The following CA4 variants were observed in gnomAD, a reference collection of about 807,000 sequenced individuals.
CA4 encodes the protein carbonic anhydrase 4.
A neutral mutation model predicts 34.5 loss-of-function variants in CA4; 24 were observed. The ratio of observed to expected loss-of-function variants is 0.70; its 90% CI spans 0.50 to 0.98. The LOEUF (loss-of-function observed/expected upper bound fraction) is 0.98, where lower values mean the gene tolerates loss of function less well. Among genes scored for constraint, CA4 ranks in the 50% least tolerant of loss-of-function variants. The probability of loss-of-function intolerance (pLI) is 0.00; values close to 1 mark genes in which losing one functional copy is unlikely to be tolerated. For synonymous variants in CA4, 178 were observed against 170.6 expected (o/e 1.04, Z -0.34); for missense variants, 394 against 396.7 (o/e 0.99, Z 0.06).
Position 60,159,538 on chromosome 17 carries a change from T to TAA in CA4, c.*114_*115insAA. On this transcript the variant is annotated 3_prime_UTR_variant, in exon 8 of 8. Coordinates refer to ENST00000300900, the MANE Select transcript of CA4 (RefSeq NM_000717.5). ...GCATGATTAAAATATGGACATATTT[T>TAA]TGGAGAAACCTTTCTCAAGTGTGTT... 1 of 1,200,492 alleles carries TAA rather than the reference T, an allele frequency of 8.3e-7. No individual in the cohort carries two copies. The allele number at this position is 1,200,492 out of a possible 1,614,324, so 74.4% of individuals were successfully genotyped here. A position where few individuals can be genotyped will look rare whatever the true frequency, so the allele number is the denominator to read the frequency against.
At chr17:60,169,292 C>T (rs1260900727) in intron 5 of CA4, among the ~76,000 whole-genome samples, 1 of 151,460 alleles carries the variant, frequency 6.6e-6, no homozygotes, top group Non-Finnish European at 1.5e-5. Flanking sequence ...GCAGCAACAG[C>T]AGATTCGCAG....
At chr17:60,162,038 C>T (rs1044930777), downstream of CA4, among the ~76,000 whole-genome samples, 1 of 152,162 alleles carries the variant, frequency 6.6e-6, no homozygotes, top group African/African-American at 2.4e-5. Context: ...GTTCGACCCT[C>T]CCCATCCCCC....
At chr17:60,160,346 G>T (rs957610731), downstream of CA4, among the ~76,000 whole-genome samples, 10 of 152,380 alleles carry the variant, frequency 6.6e-5, no homozygotes, top group South Asian at 2.1e-4. Flanking sequence ...GGATATGGCA[G>T]AGAATAAAAG....
chr17:60,170,282 C>T lies in CA4; in HGVS notation c.*179-269C>T, dbSNP rs527258402. Among the ~76,000 whole-genome samples the T allele has an allele frequency of 3.9e-5, 6 of 152,260 alleles. No homozygotes were observed. The South Asian group carries it at 8.3e-4, about 21-fold the overall frequency. The stretch of plus-strand genomic sequence containing the variant: ...GTGGATGAAGCATAGTCAGGTAGCC[C>T]GGTCTGGCAGGGGGCCAGTGGGGAG... On this transcript the variant is annotated intron_variant and NMD_transcript_variant, in intron 5 of 5. Transcript: ENST00000586876.
Position 60,150,018 on chromosome 17 carries a change from CTT to C in CA4, c.-15_-14del, listed in dbSNP as rs771627177. 34 of 1,601,170 alleles carry C rather than the reference CTT, an allele frequency of 2.1e-5. No homozygotes were observed. In the African/African-American group the frequency reaches 2.9e-4, roughly 14 times the overall value. ...TGCGCGACCCCCGGCTCAGAGGACT[CTT>C]TGCTGTCCCGCAAGATGCGGATGCT... On this transcript the variant is annotated 5_prime_UTR_variant, in exon 1 of 8. Transcript: ENST00000300900.
chr17:60,177,695 C>G, the CA4 span, among the ~76,000 whole-genome samples: 4 of 152,194 alleles, frequency 2.6e-5, no homozygotes. Flanking sequence ...GTCCTACCTA[C>G]TTGCAATTAT....
downstream of CA4, among the ~76,000 whole-genome samples, chr17:60,160,276 C>T (rs549665598): frequency 4.5e-4 from 68 of 152,208 alleles, no homozygotes; most frequent in Admixed American, 2.5e-3. Flanking sequence ...GCAAGGTGGG[C>T]GAAAGGAAGT....
chr17:60,169,250 C>CAAAAAAAAAGA (rs2083890184), intron 5 of CA4, among the ~76,000 whole-genome samples: 1 of 122,894 alleles, frequency 8.1e-6, no homozygotes, highest in African/African-American at 3.3e-5. Context: ...CCCTCTGTCT[C>CAAAAAAAAAGA]AAAAAAAAAA....
downstream of CA4, among the ~76,000 whole-genome samples, chr17:60,171,223 A>T (rs1437116531): frequency 1.3e-5 from 2 of 152,214 alleles, no homozygotes; most frequent in Admixed American, 1.3e-4. Context: ...GTTTTGGATG[A>T]TTTAGCCCTC....
At chr17:60,163,183 G>A (rs1235690189), downstream of CA4, among the ~76,000 whole-genome samples, 3 of 151,770 alleles carry the variant, frequency 2.0e-5, no homozygotes, top group Non-Finnish European at 2.9e-5. Context: ...TCTACAGGGG[G>A]CCCAGAGTCG....
downstream of CA4, among the ~76,000 whole-genome samples, chr17:60,173,176 A>C (rs1391982266): frequency 6.6e-6 from 1 of 152,216 alleles, no homozygotes; most frequent in Non-Finnish European, 1.5e-5. Context: ...AAAAAAACTA[A>C]AATAAATAAA....
chr17:60,158,236 G>C, intron 6 of CA4, 47 bp from the exon 7 acceptor site: 1 of 1,608,826 alleles, frequency 6.2e-7, no homozygotes, highest in African/African-American at 1.3e-5. Flanking sequence ...GGGAAGAGGG[G>C]CTCCTTCTCC....
At chr17:60,162,385 A>ACTC (rs2083801266), downstream of CA4, among the ~76,000 whole-genome samples, 1 of 151,960 alleles carries the variant, frequency 6.6e-6, no homozygotes, top group African/African-American at 2.4e-5. Flanking sequence ...CACCCTGGGG[A>ACTC]TGGTGGCTCT....
At chr17:60,156,421 C>G in intron 2 of CA4, 139 bp from the exon 3 acceptor site, 1 of 835,402 alleles carries the variant, frequency 1.2e-6, no homozygotes, top group South Asian at 1.3e-5. Flanking sequence ...GCTGAGCATC[C>G]CTGCAGCACA....
the CA4 span, among the ~76,000 whole-genome samples, chr17:60,177,176 G>A: frequency 6.6e-6 from 1 of 152,214 alleles, no homozygotes; most frequent in Non-Finnish European, 1.5e-5. Context: ...ATCACAGAGA[G>A]GGAGGCTGAA....
downstream of CA4, among the ~76,000 whole-genome samples, chr17:60,160,530 G>A (rs1471366056): frequency 6.6e-6 from 1 of 152,070 alleles, no homozygotes; most frequent in Non-Finnish European, 1.5e-5. Context: ...TTGGGAAGCC[G>A]AGGCGGGCAG....
chr17:60,168,696 C>T (rs2083883472), intron 5 of CA4, among the ~76,000 whole-genome samples: 1 of 151,982 alleles, frequency 6.6e-6, no homozygotes, highest in African/African-American at 2.4e-5. Flanking sequence ...GGAGGCAATG[C>T]CTAGAGGCAG....
intron 2 of CA4, among the ~76,000 whole-genome samples, chr17:60,155,685 C>T (rs1447314259): frequency 2.6e-5 from 4 of 151,974 alleles, no homozygotes; most frequent in African/African-American, 7.3e-5. Context: ...CACTCACACA[C>T]ACAAACACAC....
At chr17:60,165,491 C>A (rs1403089023) in intron 5 of CA4, among the ~76,000 whole-genome samples, 1 of 152,168 alleles carries the variant, frequency 6.6e-6, no homozygotes, top group South Asian at 2.1e-4. Flanking sequence ...GCCCACATCC[C>A]TGAAAGAAGG....
Sources: gnomAD v4.1 joint callset for allele counts (sites outside exome capture counted in the v4.1 genomes callset) on GRCh38, gnomAD v4.1.1 for gene constraint, MANE v1.5 for transcripts, NCBI Gene and HGNC (gene_info 2026-07-23, HGNC 2026-07-21) for gene names.